Variants in SLC44A5 observed in about 807,000 individuals in gnomAD.
The protein encoded by SLC44A5 is solute carrier family 44 member 5.
Under a neutral mutation model 101.8 loss-of-function variants are expected in SLC44A5, and 57 were observed. That is an observed-to-expected ratio of 0.56 (90% CI 0.45 to 0.70). The LOEUF (loss-of-function observed/expected upper bound fraction) is 0.70, where lower values mean the gene tolerates loss of function less well. SLC44A5 is among the 30% of genes least tolerant of loss of function. The pLI, the probability that SLC44A5 is intolerant of heterozygous loss-of-function variation, is 0.00. For missense variants in SLC44A5, 737 were observed against 853.1 expected (o/e 0.86, Z 1.70); for synonymous variants, 281 against 290.9 (o/e 0.97, Z 0.35).
At chr1:75,241,552 TAAAG>T (rs555339508) in intron 9 of SLC44A5, among the ~76,000 whole-genome samples, 31 of 152,164 alleles carry the variant, frequency 2.0e-4, no homozygotes, top group African/African-American at 7.2e-4. Context: ...TTCATAATTT[TAAAG>T]AAATAAAATA....
intron 23 of SLC44A5, among the ~76,000 whole-genome samples, chr1:75,208,936 A>T (rs1482285999): frequency 6.6e-6 from 1 of 152,066 alleles, no homozygotes; most frequent in African/African-American, 2.4e-5. Context: ...CAGCCAAGAC[A>T]ATAGGAATAA....
At chr1:75,692,602 G>T in the SLC44A5 span, among the ~76,000 whole-genome samples, 1 of 152,050 alleles carries the variant, frequency 6.6e-6, no homozygotes, top group African/African-American at 2.4e-5. Context: ...TACATGTGCT[G>T]GTAAATTGTT....
At chr1:75,318,407 GA>G (rs1655875057) in intron 4 of SLC44A5, among the ~76,000 whole-genome samples, 1 of 149,404 alleles carries the variant, frequency 6.7e-6, no homozygotes, top group African/African-American at 2.5e-5. Context: ...AAGAAAGAAA[GA>G]AAGAAAGAAA....
chr1:75,438,950 A>G (rs1665038591), intron 2 of SLC44A5, among the ~76,000 whole-genome samples: 1 of 152,084 alleles, frequency 6.6e-6, no homozygotes, highest in African/African-American at 2.4e-5. Context: ...TACCAAAGAA[A>G]TAATACATGA....
intron 2 of SLC44A5, among the ~76,000 whole-genome samples, chr1:75,434,623 A>T (rs1664785917): frequency 6.6e-6 from 1 of 152,216 alleles, no homozygotes; most frequent in Non-Finnish European, 1.5e-5. Context: ...CCTTCATGTG[A>T]CACTCAGTCT....
At chr1:75,483,908 G>T (rs1306535173) in intron 2 of SLC44A5, among the ~76,000 whole-genome samples, 1 of 152,150 alleles carries the variant, frequency 6.6e-6, no homozygotes, top group African/African-American at 2.4e-5. Context: ...TAAAGGGAGA[G>T]TGAGGTGGGA....
At chr1:75,498,007 T>G (rs1668764818) in intron 2 of SLC44A5, among the ~76,000 whole-genome samples, 1 of 152,138 alleles carries the variant, frequency 6.6e-6, no homozygotes, top group Admixed American at 6.5e-5. Flanking sequence ...TGCTAATCAG[T>G]GGATATTTAA....
intron 1 of SLC44A5, chr1:75,582,080 G>T: frequency 4.2e-6 from 3 of 708,666 alleles, no homozygotes; most frequent in East Asian, 5.3e-5. Flanking sequence ...CAGGAGCCAC[G>T]GGTTACAGTG....
intron 13 of SLC44A5, among the ~76,000 whole-genome samples, chr1:75,223,587 C>T (rs1488835250): frequency 6.6e-6 from 1 of 152,200 alleles, no homozygotes; most frequent in African/African-American, 2.4e-5. Flanking sequence ...TAAATTCCCA[C>T]TTGTGAAAGA....
chr1:75,544,447 A>G (rs925989396), intron 1 of SLC44A5, among the ~76,000 whole-genome samples: 4 of 152,150 alleles, frequency 2.6e-5, no homozygotes, highest in African/African-American at 9.7e-5. Context: ...TTCTTTAACC[A>G]TACTCCTCAA....
chr1:75,682,954 T>G, the SLC44A5 span, among the ~76,000 whole-genome samples: 2 of 151,792 alleles, frequency 1.3e-5, no homozygotes, highest in Non-Finnish European at 2.9e-5. Context: ...AGGACATGAA[T>G]AGACACTTCT....
At chr1:75,633,553 T>G in the SLC44A5 span, among the ~76,000 whole-genome samples, 1 of 152,166 alleles carries the variant, frequency 6.6e-6, no homozygotes, top group African/African-American at 2.4e-5. Flanking sequence ...ATGCTTGTGA[T>G]TTTTGCACAT....
chr1:75,263,976 G>T (rs584816), intron 6 of SLC44A5, among the ~76,000 whole-genome samples: 109,829 of 151,642 alleles, frequency 0.72, 40,017 homozygotes, highest in East Asian at 0.93. Flanking sequence ...ACTGGGGCCT[G>T]TTGGGGGGTT....
chr1:75,237,369 T>C (rs967362455), intron 10 of SLC44A5, among the ~76,000 whole-genome samples: 1 of 152,120 alleles, frequency 6.6e-6, no homozygotes, highest in Admixed American at 6.6e-5. Context: ...AAGAAATGAA[T>C]TTAAATGATA....
chr1:75,307,802 T>C (rs1334862148), intron 4 of SLC44A5, among the ~76,000 whole-genome samples: 1 of 152,194 alleles, frequency 6.6e-6, no homozygotes, highest in East Asian at 1.9e-4. Context: ...CCATTCTTTG[T>C]GTATGTGAGA....
At position 75,586,519 on chromosome 1, in the gene SLC44A5, A is replaced by G. The variant is rs527713696; in HGVS notation, c.-70+24521T>C. On this transcript the variant is annotated intron_variant, in intron 1 of 23. Transcript: ENST00000370859. ...AGAAAATACAATTTCAAAATGCTAT[A>G]TTTTAGATGTCTGGAGTTTGATTTT... Among the ~76,000 whole-genome samples, 91 of 136,884 alleles carry G rather than the reference A, an allele frequency of 6.6e-4. 1 individual carries two copies. The highest frequency in any genetic ancestry group is 2.2e-3 in the African/African-American group (84 of 38,470). 89.8% of individuals were successfully genotyped at this position (136,884 alleles called of 152,430 possible).
chr1:75,383,541 A>T (rs1661061683), intron 3 of SLC44A5, among the ~76,000 whole-genome samples: 1 of 152,198 alleles, frequency 6.6e-6, no homozygotes, highest in African/African-American at 2.4e-5. Flanking sequence ...AGCCTCCAAG[A>T]AATATGGGAC....
At chr1:75,621,387 C>T in the SLC44A5 span, among the ~76,000 whole-genome samples, 2,382 of 152,218 alleles carry the variant, frequency 0.016, 56 homozygotes, top group African/African-American at 0.051. Flanking sequence ...GAAAGGAATA[C>T]ATGTTCCTAC....
At chr1:75,709,386 T>C in the SLC44A5 span, among the ~76,000 whole-genome samples, 1 of 152,228 alleles carries the variant, frequency 6.6e-6, no homozygotes, top group Non-Finnish European at 1.5e-5. Context: ...CTGATACTCA[T>C]TGTTATGAAA....
Sources: gnomAD v4.1 joint callset for allele counts (sites outside exome capture counted in the v4.1 genomes callset) on GRCh38, gnomAD v4.1.1 for gene constraint, MANE v1.5 for transcripts, NCBI Gene and HGNC (gene_info 2026-07-23, HGNC 2026-07-21) for gene names.